The following API5 variants were observed in gnomAD, a reference collection of about 807,000 sequenced individuals.
API5 encodes FIF.
Under a neutral mutation model 71.9 loss-of-function variants are expected in API5, and 6 were observed. The ratio of observed to expected loss-of-function variants is 0.08; its 90% CI spans 0.05 to 0.16. The LOEUF (loss-of-function observed/expected upper bound fraction) is 0.16. Among genes scored for constraint, API5 ranks in the 10% least tolerant of loss-of-function variants. The pLI is 1.00. For synonymous variants in API5, 189 were observed against 221.3 expected, an observed-to-expected ratio of 0.85 and a Z score of 1.30; for missense variants, 332 against 612.8, an observed-to-expected ratio of 0.54 and a Z score of 4.84.
intron 6 of API5, among the ~76,000 whole-genome samples, chr11:43,325,648 T>C (rs1286735029): frequency 6.6e-6 from 1 of 152,036 alleles, no homozygotes; most frequent in Non-Finnish European, 1.5e-5. Context: ...GAGCTTTCAG[T>C]GGAAATTGTA....
At chr11:43,327,763 C>T in intron 7 of API5, 26 bp from the exon 8 acceptor site, 1 of 1,547,594 alleles carries the variant, frequency 6.5e-7, no homozygotes, top group Non-Finnish European at 8.8e-7. Context: ...TTCAAAAAAA[C>T]AGTAATAGTG....
intron 11 of API5, among the ~76,000 whole-genome samples, chr11:43,333,488 G>C (rs1236459529): frequency 6.6e-6 from 1 of 152,120 alleles, no homozygotes; most frequent in Non-Finnish European, 1.5e-5. Context: ...TAAAAAGAAT[G>C]ACATTTTCTA....
chr11:43,337,072 C>A (rs1042925397), intron 13 of API5, among the ~76,000 whole-genome samples: 1 of 151,520 alleles, frequency 6.6e-6, no homozygotes, highest in Non-Finnish European at 1.5e-5. Flanking sequence ...ACATGTAAAC[C>A]CAACACTTTC....
chr11:43,327,971 A>G lies in API5; in HGVS notation c.945+93A>G, dbSNP rs1855130583. 4 of 705,408 alleles carry G rather than the reference A, an allele frequency of 5.7e-6. No individual in the cohort carries two copies. The South Asian group carries it at 1.2e-4, about 20-fold the overall frequency. 43.7% of individuals were successfully genotyped at this position (705,408 alleles called of 1,614,324 possible). On this transcript the variant is annotated intron_variant, in intron 8 of 13. Transcript: ENST00000531273. The stretch of plus-strand genomic sequence containing the variant: ...TCTAGATTACAAGAACCAGTTTTTG[A>G]AATTTCAATTAAACAATAATCCTAA...
intron 1 of API5, among the ~76,000 whole-genome samples, chr11:43,314,349 T>G (rs1854597414): frequency 1.3e-5 from 2 of 152,158 alleles, no homozygotes; most frequent in South Asian, 4.1e-4. Flanking sequence ...CATAATGCTG[T>G]CCATCCCCTA....
At chr11:43,341,023 T>C (rs1222627316) in intron 13 of API5, among the ~76,000 whole-genome samples, 1 of 152,168 alleles carries the variant, frequency 6.6e-6, no homozygotes, top group African/African-American at 2.4e-5. Flanking sequence ...TGTAAACTAC[T>C]CATGCAACAG....
intron 13 of API5, among the ~76,000 whole-genome samples, chr11:43,339,723 C>G (rs142382570): frequency 1.0e-3 from 158 of 152,160 alleles, no homozygotes; most frequent in Non-Finnish European, 2.0e-3. Flanking sequence ...AAAACTCAGC[C>G]TTTAGATCTA....
At chr11:43,313,643 A>G (rs1447526742) in intron 1 of API5, among the ~76,000 whole-genome samples, 2 of 152,192 alleles carry the variant, frequency 1.3e-5, no homozygotes, top group African/African-American at 4.8e-5. Flanking sequence ...TTAAGAATAT[A>G]CCAGTTTGAA....
rs1435589014 is a variant in API5, at chr11:43,342,601, G to A, written c.*91G>A. ...ATTGCCGGGGATGTCCCTTTAAACA[G>A]ACTGCTGCCTTCAGCTAAAAACTTA... On this transcript the variant is annotated 3_prime_UTR_variant, in exon 14 of 14. Coordinates refer to ENST00000531273, the MANE Select transcript of API5 (RefSeq NM_001142930.2). 1 of 1,308,588 alleles carries A rather than the reference G, an allele frequency of 7.6e-7. No individual in the cohort carries two copies. The highest frequency in any genetic ancestry group is 1.9e-5 in the Admixed American group (1 of 53,054). 81.1% of individuals were successfully genotyped at this position (1,308,588 alleles called of 1,614,324 possible).
At chr11:43,324,097 A>G (rs142121312) in intron 6 of API5, among the ~76,000 whole-genome samples, 162 of 152,180 alleles carry the variant, frequency 1.1e-3, no homozygotes, top group African/African-American at 3.6e-3. Flanking sequence ...GGCTTACTGC[A>G]GCTTCTACCT....
chr11:43,332,135 T>G (rs778007379), intron 11 of API5: 8 of 152,292 alleles, frequency 5.3e-5, no homozygotes, highest in Non-Finnish European at 1.0e-4. Context: ...CAGCAACCTG[T>G]GTGTAGAGTG....
At position 43,343,383 on chromosome 11, in the gene API5, T is replaced by TA. The variant is rs1852894117; in HGVS notation, c.*874dup. ...CAAGGGATTCTAAGTTAGTTGCACT[T>TA]ACATGATTATTGTTATTTAAAACTA... is the stretch of plus-strand genomic sequence containing the variant. On this transcript the variant is annotated 3_prime_UTR_variant, in exon 14 of 14. Transcript: ENST00000531273. 6.6e-6 allele frequency: 1 copy of TA among 152,412 alleles called. No individual in the cohort carries two copies. Among genetic ancestry groups the TA allele is most frequent in the Admixed American group, 6.5e-5 (1 of 15,280 alleles). The allele number at this position is 152,412 out of a possible 1,614,324, so 9.4% of individuals were successfully genotyped here.
intron 13 of API5, among the ~76,000 whole-genome samples, chr11:43,338,504 G>A (rs565100243): frequency 6.6e-6 from 1 of 150,758 alleles, no homozygotes; most frequent in Admixed American, 6.6e-5. Context: ...TTTAAACTGG[G>A]AGCAGTGAAT....
chr11:43,336,017 A>G (rs780487476), intron 13 of API5, 23 bp downstream of exon 13: 6 of 1,612,014 alleles, frequency 3.7e-6, no homozygotes, highest in African/African-American at 2.7e-5. Flanking sequence ...GTTTGGGTAC[A>G]AGGAATATGA....
At chr11:43,329,159 A>G in intron 9 of API5, 2 of 373,872 alleles carry the variant, frequency 5.3e-6, no homozygotes, top group Admixed American at 3.9e-5. Flanking sequence ...TGGGCAACAT[A>G]GTAAGATCCT....
At chr11:43,332,562 G>T (rs1452953018) in intron 11 of API5, among the ~76,000 whole-genome samples, 1 of 152,124 alleles carries the variant, frequency 6.6e-6, no homozygotes, top group Non-Finnish European at 1.5e-5. Context: ...GATACATAGG[G>T]AGGGGTCTTG....
intron 11 of API5, among the ~76,000 whole-genome samples, chr11:43,332,451 G>A (rs1279144796): frequency 6.6e-6 from 1 of 151,978 alleles, no homozygotes; most frequent in Non-Finnish European, 1.5e-5. Context: ...CCAAACCTTA[G>A]GTTTGGTTAA....
At chr11:43,312,918 C>T (rs1854534483) in intron 1 of API5, among the ~76,000 whole-genome samples, 1 of 151,940 alleles carries the variant, frequency 6.6e-6, no homozygotes. Flanking sequence ...ACCAGCCTGA[C>T]CCACATGGTG....
At chr11:43,319,939 T>C (rs1479226710) in intron 2 of API5, among the ~76,000 whole-genome samples, 1 of 152,162 alleles carries the variant, frequency 6.6e-6, no homozygotes, top group Non-Finnish European at 1.5e-5. Flanking sequence ...ATGTAAATAG[T>C]TGTTTATAAT....
Sources: allele counts gnomAD v4.1 joint callset (sites outside exome capture counted in the v4.1 genomes callset), GRCh38; gene constraint gnomAD v4.1.1; transcripts MANE v1.5; gene names NCBI Gene and HGNC (gene_info 2026-07-23, HGNC 2026-07-21).